Variants in DPP10 observed in about 807,000 individuals in gnomAD.
DPP10 encodes the protein dipeptidyl peptidase like 10.
DPP10 carries 33 observed loss-of-function variants against 120.9 expected under a neutral mutation model. The observed-to-expected ratio is 0.27, with a 90% confidence interval of 0.21 to 0.37. The LOEUF is 0.37. Ranked by LOEUF, DPP10 falls within the 10% of genes least tolerant of loss-of-function variation. The pLI, the probability that DPP10 is intolerant of heterozygous loss-of-function variation, is 1.00. For synonymous variants in DPP10, 337 were observed against 326.1 expected (o/e 1.03, Z -0.36); for missense variants, 816 against 942.8 (o/e 0.87, Z 1.76).
In DPP10 at chr2:115,840,712, G is replaced by A. The variant is rs78403934; in HGVS notation, c.2183-38G>A. 2.5e-3 allele frequency: 3,950 copies of A among 1,578,132 alleles called. 78 individuals carry two copies. In the African/African-American group the frequency reaches 0.042, roughly 17 times the overall value. ...ATATGAAAAAGTTCTCATACAAGCA[G>A]TGTGTTTCTTCAGATATCATAATTT... On this transcript the variant is annotated intron_variant, in intron 24 of 25. Coordinates refer to ENST00000410059, the MANE Select transcript of DPP10 (RefSeq NM_020868.6).
chr2:114,824,146 G>A (rs1448771604), intron 1 of DPP10, among the ~76,000 whole-genome samples: 1 of 152,168 alleles, frequency 6.6e-6, no homozygotes, highest in Admixed American at 6.5e-5. Flanking sequence ...ATGAAGAGGG[G>A]AATAAATGGT....
intron 3 of DPP10, among the ~76,000 whole-genome samples, chr2:115,412,511 G>T (rs1291205441): frequency 6.6e-6 from 1 of 152,110 alleles, no homozygotes; most frequent in Non-Finnish European, 1.5e-5. Flanking sequence ...TAAATTTGTT[G>T]TGAATTCTTC....
intron 2 of DPP10, among the ~76,000 whole-genome samples, chr2:115,325,952 G>A (rs113927219): frequency 0.012 from 1,873 of 152,158 alleles, 8 homozygotes; most frequent in African/African-American, 0.019. Flanking sequence ...GAGGTTTTTT[G>A]CTGTTACTTC....
intron 3 of DPP10, among the ~76,000 whole-genome samples, chr2:115,383,927 A>G (rs2066642565): frequency 3.3e-5 from 5 of 152,202 alleles, no homozygotes; most frequent in Non-Finnish European, 5.9e-5. Flanking sequence ...CTTAATCCAA[A>G]GAAACCAATA....
At chr2:114,746,831 T>C (rs1391191744) in intron 1 of DPP10, among the ~76,000 whole-genome samples, 1 of 152,200 alleles carries the variant, frequency 6.6e-6, no homozygotes, top group Non-Finnish European at 1.5e-5. Flanking sequence ...AACAAGATGC[T>C]ATTATCTTTC....
chr2:115,031,051 A>C (rs1367735103), intron 1 of DPP10, among the ~76,000 whole-genome samples: 1 of 152,222 alleles, frequency 6.6e-6, no homozygotes, highest in Non-Finnish European at 1.5e-5. Flanking sequence ...TTCCTTTTGC[A>C]CAAAGAATTT....
At position 115,545,500 on chromosome 2, in the gene DPP10, T is replaced by G. The variant is rs111975546; in HGVS notation, c.441+19528T>G. ...AAGATTGGGTCGGAGTTTTCCAATA[T>G]TTTTTTCTTTTTAAGTGGGAAGATG... On this transcript the variant is annotated intron_variant, in intron 5 of 25. Coordinates refer to ENST00000410059, the MANE Select transcript of DPP10 (RefSeq NM_020868.6). Among the ~76,000 whole-genome samples, 1,051 of 152,214 alleles carry G rather than the reference T, an allele frequency of 6.9e-3. 3 individuals are homozygous for G. Among genetic ancestry groups the G allele is most frequent in the Non-Finnish European group, 0.012 (797 of 68,008 alleles).
intron 1 of DPP10, among the ~76,000 whole-genome samples, chr2:115,248,086 A>G (rs910257939): frequency 2.0e-5 from 3 of 152,170 alleles, no homozygotes; most frequent in African/African-American, 4.8e-5. Flanking sequence ...GCCTCCCTCA[A>G]AGGTACTGAT....
intron 1 of DPP10, among the ~76,000 whole-genome samples, chr2:115,255,704 G>A (rs1318753113): frequency 6.6e-6 from 1 of 152,150 alleles, no homozygotes; most frequent in African/African-American, 2.4e-5. Flanking sequence ...GCAAAATGCT[G>A]CCAGTCTCTT....
At chr2:115,804,281 A>T (rs555662134) in intron 19 of DPP10, among the ~76,000 whole-genome samples, 2,775 of 152,196 alleles carry the variant, frequency 0.018, 86 homozygotes, top group African/African-American at 0.061. Context: ...TTCAGCTCCA[A>T]CAGGTCCTTT....
intron 1 of DPP10, among the ~76,000 whole-genome samples, chr2:114,924,487 C>T (rs1377537587): frequency 6.6e-6 from 1 of 150,674 alleles, no homozygotes; most frequent in African/African-American, 2.4e-5. Context: ...AGATTGCACA[C>T]TGCACTCCAG....
chr2:114,515,390 C>T (rs1168905739), intron 1 of DPP10, among the ~76,000 whole-genome samples: 1 of 152,124 alleles, frequency 6.6e-6, no homozygotes, highest in Non-Finnish European at 1.5e-5. Flanking sequence ...CTAATAAGTC[C>T]AGGCAAGAGG....
chr2:115,748,626 C>T (rs1678317110), intron 10 of DPP10, among the ~76,000 whole-genome samples: 1 of 151,794 alleles, frequency 6.6e-6, no homozygotes, highest in Admixed American at 6.6e-5. Context: ...TTTTTTTGGT[C>T]TGTCTGATTG....
chr2:114,780,576 T>C (rs1224299363), intron 1 of DPP10, among the ~76,000 whole-genome samples: 1 of 152,098 alleles, frequency 6.6e-6, no homozygotes, highest in African/African-American at 2.4e-5. Context: ...AATTTTACAA[T>C]AGCTATTATT....
chr2:115,515,832 T>C (rs1298989932), intron 4 of DPP10, among the ~76,000 whole-genome samples: 1 of 151,974 alleles, frequency 6.6e-6, no homozygotes, highest in Non-Finnish European at 1.5e-5. Context: ...CCTATAAGAG[T>C]TGGAAATATT....
intron 11 of DPP10, among the ~76,000 whole-genome samples, chr2:115,760,770 G>A (rs757004266): frequency 6.6e-6 from 1 of 152,106 alleles, no homozygotes; most frequent in African/African-American, 2.4e-5. Flanking sequence ...GTTCTGGATG[G>A]TTTTTATTCG....
intron 1 of DPP10, among the ~76,000 whole-genome samples, chr2:115,227,717 T>A (rs1489310090): frequency 6.6e-6 from 1 of 152,182 alleles, no homozygotes; most frequent in Admixed American, 6.6e-5. Flanking sequence ...GCATTTGAGA[T>A]TCGTGCATGC....
chr2:115,349,581 T>A (rs1228155697), intron 3 of DPP10, among the ~76,000 whole-genome samples: 1 of 152,070 alleles, frequency 6.6e-6, no homozygotes, highest in African/African-American at 2.4e-5. Context: ...TGTTAATAAA[T>A]GCGCTGGGAG....
chr2:115,413,464 G>A (rs2069119909), intron 3 of DPP10, among the ~76,000 whole-genome samples: 1 of 152,126 alleles, frequency 6.6e-6, no homozygotes, highest in Admixed American at 6.5e-5. Context: ...TCTTCAAGTA[G>A]TGAGGTTTGT....
Sources: gnomAD v4.1 joint callset for allele counts (sites outside exome capture counted in the v4.1 genomes callset) on GRCh38, gnomAD v4.1.1 for gene constraint, MANE v1.5 for transcripts, NCBI Gene and HGNC (gene_info 2026-07-23, HGNC 2026-07-21) for gene names.